ZHX2: variants seen among roughly 807,000 people sequenced by gnomAD.
The protein encoded by ZHX2 is zinc fingers and homeoboxes 2.
In ZHX2, 6 loss-of-function variants were observed where a neutral mutation model predicts 21.9. The observed-to-expected ratio is 0.27, with a 90% CI of 0.15 to 0.54. ZHX2 has a LOEUF of 0.54. ZHX2 is among the 20% of genes least tolerant of loss of function. The probability of loss-of-function intolerance (pLI) is 0.95; values close to 1 mark genes in which losing one functional copy is unlikely to be tolerated. For synonymous variants in ZHX2, 434 were observed against 437.1 expected, an observed-to-expected ratio of 0.99 and a Z score of 0.09; for missense variants, 908 against 1,090.7, an observed-to-expected ratio of 0.83 and a Z score of 2.36.
rs111996351 is a variant in ZHX2 at position 122,871,784 on chromosome 8, G to A, written c.-220+8245G>A. ...ACAGAGGGAGTGCTCCTAAGTGTGA[G>A]TTTCCATTACATTAGTACTAGCATT... On this transcript the variant is annotated intron_variant, in intron 2 of 3. Transcript: ENST00000314393. 1.2e-3 allele frequency among the ~76,000 whole-genome samples: 177 copies of A among 148,966 alleles called. 1 individual carries two copies. The highest frequency in any genetic ancestry group is 4.2e-3 in the African/African-American group (170 of 40,468).
intron 1 of ZHX2, among the ~76,000 whole-genome samples, chr8:122,842,940 T>C (rs1460753454): frequency 1.3e-5 from 2 of 152,322 alleles, no homozygotes; most frequent in East Asian, 1.9e-4. Context: ...ATTCAACAGG[T>C]TGGGGCAGGT....
chr8:122,788,999 G>A (rs923071884), intron 1 of ZHX2, among the ~76,000 whole-genome samples: 6 of 152,174 alleles, frequency 3.9e-5, no homozygotes, highest in African/African-American at 1.2e-4. Flanking sequence ...GGGGCATTGC[G>A]CCCTCCGCCC....
At chr8:122,932,748 C>A (rs138691095) in intron 2 of ZHX2, among the ~76,000 whole-genome samples, 3 of 152,206 alleles carry the variant, frequency 2.0e-5, no homozygotes, top group African/African-American at 7.2e-5. Context: ...GTCAAATTCC[C>A]TTTTCACGTC....
intron 2 of ZHX2, among the ~76,000 whole-genome samples, chr8:122,899,120 A>G (rs973640727): frequency 6.6e-6 from 1 of 152,194 alleles, no homozygotes; most frequent in Non-Finnish European, 1.5e-5. Context: ...TGAGCTGGAC[A>G]CTGTAAATCC....
At chr8:122,928,781 G>A (rs190359565) in intron 2 of ZHX2, among the ~76,000 whole-genome samples, 7 of 152,252 alleles carry the variant, frequency 4.6e-5, no homozygotes, top group African/African-American at 9.6e-5. Flanking sequence ...CTGGGCCAAC[G>A]GGGGTATCCA....
In ZHX2 at chr8:122,960,093, C is replaced by T. The variant is rs923497834; in HGVS notation, c.*4+6065C>T. 3.3e-5 allele frequency among the ~76,000 whole-genome samples: 5 copies of T among 152,118 alleles called. No homozygotes were observed. The East Asian group carries it at 7.7e-4, about 23-fold the overall frequency. ...AGCATGTCCCTGCCCTCATGGAGCCCTTGGTCTAATGGGAAATGAAGTTTT... is the reference window on the plus strand; with the variant it reads ...AGCATGTCCCTGCCCTCATGGAGCCTTTGGTCTAATGGGAAATGAAGTTTT... On this transcript the variant is annotated intron_variant, in intron 3 of 3. Coordinates refer to ENST00000314393, the MANE Select transcript of ZHX2 (RefSeq NM_014943.5).
chr8:122,972,674 A>G (rs1416222378), intron 3 of ZHX2, among the ~76,000 whole-genome samples: 1 of 152,210 alleles, frequency 6.6e-6, no homozygotes, highest in African/African-American at 2.4e-5. Flanking sequence ...AGTATCTACA[A>G]TACTTACCAT....
chr8:122,901,284 C>T (rs569456231), intron 2 of ZHX2, among the ~76,000 whole-genome samples: 5 of 152,272 alleles, frequency 3.3e-5, no homozygotes, highest in African/African-American at 9.6e-5. Flanking sequence ...AACCTACCTC[C>T]CCTGCTTCTG....
chr8:122,956,859 C>T (rs1056447539), intron 3 of ZHX2, among the ~76,000 whole-genome samples: 4 of 152,202 alleles, frequency 2.6e-5, no homozygotes, highest in African/African-American at 9.6e-5. Flanking sequence ...CTCCAGAGGC[C>T]CCGGTCCCCA....
intron 2 of ZHX2, among the ~76,000 whole-genome samples, chr8:122,904,092 C>T (rs1820293400): frequency 2.6e-5 from 4 of 152,004 alleles, no homozygotes; most frequent in South Asian, 2.1e-4. Flanking sequence ...TGGCTTGGTT[C>T]GTTTTGCCTT....
chr8:122,902,656 T>G (rs1177598714), intron 2 of ZHX2, among the ~76,000 whole-genome samples: 8 of 152,294 alleles, frequency 5.3e-5, no homozygotes, highest in South Asian at 2.1e-4. Context: ...TCTTTGAGCT[T>G]CAAGTCCTTC....
At chr8:122,879,800 A>C (rs544383085) in intron 2 of ZHX2, among the ~76,000 whole-genome samples, 2 of 152,042 alleles carry the variant, frequency 1.3e-5, no homozygotes, top group African/African-American at 4.8e-5. Context: ...GGCCTTGGAT[A>C]TATCACTTGC....
At chr8:122,818,626 A>T (rs1818079271) in intron 1 of ZHX2, among the ~76,000 whole-genome samples, 2 of 152,212 alleles carry the variant, frequency 1.3e-5, no homozygotes, top group Non-Finnish European at 2.9e-5. Context: ...ATTCCCTGTT[A>T]GTCTCTCACA....
rs528528611 is a variant in ZHX2 at position 122,927,639 on chromosome 8, G to A, written c.-219-23653G>A. ...GCGGCAGGCAAGAAAGCTTGTGCAG[G>A]GGAACTCCCCTTTATAAAACCATCA... On this transcript the variant is annotated intron_variant, in intron 2 of 3. Transcript: ENST00000314393. 2.3e-3 allele frequency among the ~76,000 whole-genome samples: 346 copies of A among 152,268 alleles called. 1 individual carries two copies. The highest frequency in any genetic ancestry group is 7.9e-3 in the African/African-American group (328 of 41,538).
At chr8:122,931,629 C>T (rs368123774) in intron 2 of ZHX2, among the ~76,000 whole-genome samples, 8 of 152,218 alleles carry the variant, frequency 5.3e-5, no homozygotes, top group East Asian at 1.9e-4. Flanking sequence ...AGTCATTACG[C>T]GCTGCAGCAT....
chr8:122,812,934 G>A (rs987142584), intron 1 of ZHX2, among the ~76,000 whole-genome samples: 7 of 152,204 alleles, frequency 4.6e-5, no homozygotes, highest in East Asian at 1.9e-4. Context: ...AGTGGCTCCC[G>A]CCTGTAATCC....
intron 2 of ZHX2, among the ~76,000 whole-genome samples, chr8:122,898,737 C>T (rs1820156108): frequency 6.6e-6 from 1 of 152,362 alleles, no homozygotes; most frequent in Admixed American, 6.5e-5. Flanking sequence ...TAAAGCTTCA[C>T]AATAATCCTC....
chr8:122,786,771 A>G (rs1333630461), intron 1 of ZHX2, among the ~76,000 whole-genome samples: 1 of 150,476 alleles, frequency 6.6e-6, no homozygotes, highest in Non-Finnish European at 1.5e-5. Flanking sequence ...CGTACCACAC[A>G]TCAGGTACCA....
intron 1 of ZHX2, among the ~76,000 whole-genome samples, chr8:122,831,527 C>T (rs117448066): frequency 5.3e-5 from 8 of 152,274 alleles, no homozygotes; most frequent in African/African-American, 7.2e-5. Flanking sequence ...GTTTTGGGCT[C>T]GGAAGTCCTC....
Sources: allele counts gnomAD v4.1 joint callset (sites outside exome capture counted in the v4.1 genomes callset), GRCh38; gene constraint gnomAD v4.1.1; transcripts MANE v1.5; gene names NCBI Gene and HGNC (gene_info 2026-07-23, HGNC 2026-07-21).